The following RTL9 variants were observed in gnomAD, a reference collection of about 807,000 sequenced individuals.
RTL9 encodes the protein retrotransposon Gag like 9, also known as retrotransposon Gag-like protein 9.
Under a neutral mutation model 44.7 loss-of-function variants are expected in RTL9, and 19 were observed. That is an observed-to-expected ratio of 0.42 (90% CI 0.30 to 0.62). The LOEUF is 0.62. Among genes scored for constraint, RTL9 ranks in the 20% least tolerant of loss-of-function variants. The probability of loss-of-function intolerance (pLI) is 0.16; values close to 1 mark genes in which losing one functional copy is unlikely to be tolerated. For synonymous variants in RTL9, 407 were observed against 398.9 expected, an observed-to-expected ratio of 1.02 and a Z score of -0.24; for missense variants, 1,105 against 1,080.6, an observed-to-expected ratio of 1.02 and a Z score of -0.32.
chrX:110,396,344 T>C (rs1449432988), intron 1 of RTL9, among the ~76,000 whole-genome samples: 1 of 112,110 alleles, frequency 8.9e-6, no homozygotes, highest in Non-Finnish European at 1.9e-5. Flanking sequence ...TTTACCTATC[T>C]CTCTTTCTTT....
intron 1 of RTL9, among the ~76,000 whole-genome samples, chrX:110,364,225 C>G (rs758170962): frequency 8.9e-6 from 1 of 111,749 alleles, no homozygotes; most frequent in African/African-American, 3.3e-5. Context: ...TGTGCCCTGT[C>G]ACTTATAAGG....
At chrX:110,372,389 G>A (rs748121620) in intron 1 of RTL9, among the ~76,000 whole-genome samples, 2 of 112,530 alleles carry the variant, frequency 1.8e-5, no homozygotes, top group South Asian at 7.3e-4. Flanking sequence ...CGTGCTGGAA[G>A]TAACAGTGGT....
rs367859200 is a variant in RTL9 at position 110,453,234 on chromosome X, A to G, written c.2617A>G (p.Thr873Ala). 16 of 1,209,900 alleles carry G rather than the reference A, an allele frequency of 1.3e-5. No homozygotes were observed. The African/African-American group carries it at 2.6e-4, about 20-fold the overall frequency. ...AGCCCCAGACTCTAGAGTGACATCC[A>G]CATCACAAATGATGCCCACAGCTTC... The change falls in exon 1 of 2, where the codon ACA becomes GCA. Residue 873 changes from threonine (T) to alanine (A), a missense_variant. Physicochemically the swap from Thr to Ala is moderately conservative, Grantham distance 58 (BLOSUM62 0). Transcript: ENST00000540313.
intron 1 of RTL9, among the ~76,000 whole-genome samples, chrX:110,393,951 A>G (rs1343468158): frequency 1.8e-5 from 2 of 112,460 alleles, no homozygotes; most frequent in African/African-American, 6.5e-5. Context: ...ATACGAATCC[A>G]TGATAATAAA....
intron 1 of RTL9, among the ~76,000 whole-genome samples, chrX:110,385,555 C>T (rs2068449433): frequency 8.9e-6 from 1 of 111,855 alleles, no homozygotes; most frequent in African/African-American, 3.3e-5. Context: ...AATCACTAAC[C>T]TACTTTCTGT....
intron 1 of RTL9, among the ~76,000 whole-genome samples, chrX:110,362,913 T>C (rs943657110): frequency 3.6e-5 from 4 of 112,138 alleles, no homozygotes; most frequent in African/African-American, 9.7e-5. Context: ...CTAAGTGATA[T>C]ATACTATCAT....
chrX:110,440,624 C>T (rs897153815), intron 1 of RTL9, among the ~76,000 whole-genome samples: 2 of 111,901 alleles, frequency 1.8e-5, no homozygotes, highest in South Asian at 3.8e-4. Flanking sequence ...GTCTCTGATG[C>T]GCTAACAATA....
chrX:110,451,730 G>T, exon 1 of RTL9: 2 of 1,211,001 alleles, frequency 1.7e-6, no homozygotes, highest in Non-Finnish European at 2.2e-6. Context: ...GCTCTGGGGC[G>T]ATGTCCCCAT....
chrX:110,373,499 C>T (rs1193177804), intron 1 of RTL9, among the ~76,000 whole-genome samples: 1 of 111,639 alleles, frequency 9.0e-6, no homozygotes, highest in Non-Finnish European at 1.9e-5. Flanking sequence ...CGGAAGGGTT[C>T]TAACAGAAAA....
intron 1 of RTL9, among the ~76,000 whole-genome samples, chrX:110,404,164 G>T (rs940675770): frequency 1.8e-5 from 2 of 112,600 alleles, no homozygotes; most frequent in Non-Finnish European, 3.8e-5. Context: ...AGGAAGAACA[G>T]TTGGTCAGGC....
upstream of RTL9, among the ~76,000 whole-genome samples, chrX:110,414,964 A>G (rs1202019326): frequency 2.7e-5 from 3 of 111,160 alleles, no homozygotes; most frequent in Non-Finnish European, 5.7e-5. Flanking sequence ...AAGAAAGCAT[A>G]TATATATATA....
At chrX:110,422,625 C>T (rs1447116244) in intron 1 of RTL9, among the ~76,000 whole-genome samples, 1 of 112,459 alleles carries the variant, frequency 8.9e-6, no homozygotes, top group Admixed American at 9.4e-5. Flanking sequence ...TCTCAAATTT[C>T]CTCGCAGCAG....
intron 1 of RTL9, among the ~76,000 whole-genome samples, chrX:110,442,844 A>C (rs777168892): frequency 1.2e-4 from 14 of 112,198 alleles, no homozygotes; most frequent in African/African-American, 3.9e-4. Flanking sequence ...AGGAGAGGGC[A>C]TCTGATCCAT....
chrX:110,372,330 A>G (rs975002735), intron 1 of RTL9, among the ~76,000 whole-genome samples: 2 of 112,808 alleles, frequency 1.8e-5, no homozygotes, highest in African/African-American at 3.2e-5. Flanking sequence ...TTTTTTAAAA[A>G]TTAAAATGAA....
At chrX:110,379,504 A>C (rs2068403462) in intron 1 of RTL9, among the ~76,000 whole-genome samples, 2 of 111,261 alleles carry the variant, frequency 1.8e-5, no homozygotes. Flanking sequence ...TTCTGGATCC[A>C]CTCTGGGCCT....
chrX:110,379,768 T>TAA (rs1384267949), intron 1 of RTL9, among the ~76,000 whole-genome samples: 1 of 112,224 alleles, frequency 8.9e-6, no homozygotes, highest in Admixed American at 9.4e-5. Context: ...ACCGATGAAC[T>TAA]AAAATTCAGG....
intron 1 of RTL9, among the ~76,000 whole-genome samples, chrX:110,396,998 C>T: frequency 8.9e-6 from 1 of 111,747 alleles, no homozygotes; most frequent in Non-Finnish European, 1.9e-5. Context: ...TTCCATGTTC[C>T]TGGAGCTGAC....
intron 1 of RTL9, among the ~76,000 whole-genome samples, chrX:110,420,592 C>T (rs1244713675): frequency 8.9e-6 from 1 of 112,109 alleles, no homozygotes. Flanking sequence ...CTGTTTAGGA[C>T]TTAAACAAAC....
exon 1 of RTL9, chrX:110,453,525 A>G: frequency 3.3e-6 from 4 of 1,211,853 alleles, no homozygotes; most frequent in Non-Finnish European, 4.5e-6. Flanking sequence ...AATGTCAGCC[A>G]TGGCTTCTGG....
Sources: allele counts gnomAD v4.1 joint callset (sites outside exome capture counted in the v4.1 genomes callset), GRCh38; gene constraint gnomAD v4.1.1; transcripts MANE v1.5; gene names NCBI Gene and HGNC (gene_info 2026-07-23, HGNC 2026-07-21).